Variants in DIAPH2 observed in about 807,000 individuals in gnomAD.
DIAPH2 encodes the protein protein diaphanous homolog 2.
A neutral mutation model predicts 92.7 loss-of-function variants in DIAPH2; 35 were observed. That is an observed-to-expected ratio of 0.38 (90% CI 0.29 to 0.50). The LOEUF (loss-of-function observed/expected upper bound fraction) is 0.50, where lower values mean the gene tolerates loss of function less well. Ranked by LOEUF, DIAPH2 falls within the 20% of genes least tolerant of loss-of-function variation. The pLI is 0.94. For synonymous variants in DIAPH2, 301 were observed against 280.4 expected, an observed-to-expected ratio of 1.07 and a Z score of -0.73; for missense variants, 701 against 819.5, an observed-to-expected ratio of 0.86 and a Z score of 1.77.
chrX:97,510,938 T>C (rs1392938279), intron 26 of DIAPH2, among the ~76,000 whole-genome samples: 9 of 104,592 alleles, frequency 8.6e-5, no homozygotes, highest in Non-Finnish European at 1.4e-4. Context: ...TGAAGTCAGG[T>C]AGCGTGATGC....
chrX:97,132,852 A>G (rs987350497), intron 21 of DIAPH2, among the ~76,000 whole-genome samples: 2 of 111,715 alleles, frequency 1.8e-5, no homozygotes, highest in Admixed American at 1.9e-4. Context: ...ACAATTATAT[A>G]TGTGTATTGT....
At chrX:96,983,125 T>C (rs1463097267) in intron 17 of DIAPH2, among the ~76,000 whole-genome samples, 1 of 111,442 alleles carries the variant, frequency 9.0e-6, no homozygotes, top group African/African-American at 3.3e-5. Context: ...GCTAATGTTG[T>C]CTATTATCTT....
chrX:96,883,364 GGTTTTTT>G (rs766831043), intron 5 of DIAPH2, among the ~76,000 whole-genome samples: 24 of 109,496 alleles, frequency 2.2e-4, no homozygotes, highest in South Asian at 7.8e-4. Flanking sequence ...AATGCTCCTA[GGTTTTTT>G]GTTTTTTGTT....
At chrX:97,411,817 T>A (rs1362241133) in intron 25 of DIAPH2, among the ~76,000 whole-genome samples, 1 of 111,788 alleles carries the variant, frequency 8.9e-6, no homozygotes, top group Non-Finnish European at 1.9e-5. Context: ...GGCTGTGACA[T>A]ACTGGTAAAG....
chrX:97,171,712 G>A (rs753972319), intron 22 of DIAPH2, among the ~76,000 whole-genome samples: 2 of 111,795 alleles, frequency 1.8e-5, no homozygotes, highest in Non-Finnish European at 3.8e-5. Flanking sequence ...AGGCCGCGAC[G>A]GGCGGATCAC....
chrX:97,067,336 A>T (rs1229068098), intron 17 of DIAPH2, among the ~76,000 whole-genome samples: 11 of 112,288 alleles, frequency 9.8e-5, no homozygotes, highest in Non-Finnish European at 2.1e-4. Flanking sequence ...TTTGTAAACT[A>T]TAAAAATGGA....
At chrX:97,138,047 G>C (rs2067185100) in intron 21 of DIAPH2, among the ~76,000 whole-genome samples, 1 of 111,640 alleles carries the variant, frequency 9.0e-6, no homozygotes, top group Non-Finnish European at 1.9e-5. Context: ...AGAAGAAATA[G>C]GCTTACATCT....
At chrX:96,809,953 T>C (rs1396955633) in intron 4 of DIAPH2, among the ~76,000 whole-genome samples, 1 of 112,436 alleles carries the variant, frequency 8.9e-6, no homozygotes, top group Non-Finnish European at 1.9e-5. Flanking sequence ...GTCTTTGCTA[T>C]TGTGAATAGT....
In DIAPH2 at chrX:97,392,779, G is replaced by T. The variant is rs141318349; in HGVS notation, c.3145+8735G>T. 3.0e-3 allele frequency among the ~76,000 whole-genome samples: 334 copies of T among 111,909 alleles called. 1 individual carries two copies. Among genetic ancestry groups the T allele is most frequent in the African/African-American group, 8.7e-3 (270 of 30,864 alleles). ...TTGCTAGCCATATAATCTCTGACAA[G>T]GTGTTTCATCTTTCTGTGCCTCAAT... On this transcript the variant is annotated intron_variant, in intron 25 of 26. Transcript: ENST00000324765.
chrX:97,206,848 T>G (rs1306116454), intron 22 of DIAPH2, among the ~76,000 whole-genome samples: 1 of 111,659 alleles, frequency 9.0e-6, no homozygotes, highest in Admixed American at 9.6e-5. Context: ...GCGTATATAC[T>G]TGTGACATAT....
intron 4 of DIAPH2, among the ~76,000 whole-genome samples, chrX:96,874,533 A>G (rs1170223359): frequency 8.9e-6 from 1 of 112,220 alleles, no homozygotes; most frequent in Non-Finnish European, 1.9e-5. Context: ...AAATATGTCA[A>G]ATTGATTGCT....
chrX:97,346,312 T>C (rs971846474), intron 23 of DIAPH2, among the ~76,000 whole-genome samples: 3 of 110,419 alleles, frequency 2.7e-5, no homozygotes, highest in Non-Finnish European at 5.7e-5. Context: ...TACAGAAAAT[T>C]CTCTCTAGAG....
chrX:97,296,050 A>G (rs1036824618), intron 23 of DIAPH2, among the ~76,000 whole-genome samples: 9 of 111,043 alleles, frequency 8.1e-5, no homozygotes, highest in African/African-American at 2.6e-4. Flanking sequence ...TTCTTTTACA[A>G]TGTATTTGTT....
At chrX:97,271,897 A>C (rs2068390857) in intron 23 of DIAPH2, among the ~76,000 whole-genome samples, 1 of 110,621 alleles carries the variant, frequency 9.0e-6, no homozygotes, top group South Asian at 3.9e-4. Flanking sequence ...ACTGTATTTT[A>C]TATATCTATG....
In DIAPH2 at chrX:96,782,322, C is replaced by T. The variant is rs570609559; in HGVS notation, c.447+24064C>T. 1.1e-4 allele frequency among the ~76,000 whole-genome samples: 12 copies of T among 110,132 alleles called. No individual in the cohort carries two copies. In the South Asian group the frequency reaches 1.9e-3, roughly 18 times the overall value. On this transcript the variant is annotated intron_variant, in intron 4 of 26. Coordinates refer to ENST00000324765, the MANE Select transcript of DIAPH2 (RefSeq NM_006729.5). ...GTTTGTTTGTTTTGAGACGGAGTCT[C>T]GCTCTGTCACCCAGGCTAGATGGGG...
chrX:96,934,199 C>T lies in DIAPH2; in HGVS notation c.1090-3034C>T, dbSNP rs139231566. The stretch of plus-strand genomic sequence containing the variant: ...CCTCACATGTCAACTACTATCTAAC[C>T]TACTAATGAATGAAATATTTAAATT... On this transcript the variant is annotated intron_variant, in intron 10 of 26. Transcript: ENST00000324765. 3.7e-3 allele frequency among the ~76,000 whole-genome samples: 413 copies of T among 111,729 alleles called. 3 individuals are homozygous for T. The highest frequency in any genetic ancestry group is 0.013 in the African/African-American group (396 of 30,792).
intron 26 of DIAPH2, among the ~76,000 whole-genome samples, chrX:97,569,606 A>G (rs1438127858): frequency 9.0e-6 from 1 of 111,023 alleles, no homozygotes; most frequent in East Asian, 2.8e-4. Flanking sequence ...AGATTATAGG[A>G]TCCGGTGAAC....
intron 23 of DIAPH2, among the ~76,000 whole-genome samples, chrX:97,298,601 C>A (rs1247671833): frequency 9.8e-6 from 1 of 102,545 alleles, no homozygotes; most frequent in Non-Finnish European, 2.0e-5. Flanking sequence ...CATTAAGGGA[C>A]TCTTAGTCCT....
chrX:97,052,287 T>C (rs953969337), intron 17 of DIAPH2, among the ~76,000 whole-genome samples: 2 of 110,998 alleles, frequency 1.8e-5, no homozygotes, highest in Non-Finnish European at 3.8e-5. Context: ...GGGGGAAAGA[T>C]ATTTTCAGCA....
Sources: gnomAD v4.1 joint callset for allele counts (sites outside exome capture counted in the v4.1 genomes callset) on GRCh38, gnomAD v4.1.1 for gene constraint, MANE v1.5 for transcripts, NCBI Gene and HGNC (gene_info 2026-07-23, HGNC 2026-07-21) for gene names.